The following ZNF280C variants were observed in gnomAD, a reference collection of about 807,000 sequenced individuals.
ZNF280C encodes the protein zinc finger protein 280C.
In ZNF280C, 14 loss-of-function variants were observed where a neutral mutation model predicts 53.6. That is an observed-to-expected ratio of 0.26 (90% confidence interval 0.17 to 0.41). ZNF280C has a LOEUF of 0.41. Among genes scored for constraint, ZNF280C ranks in the 10% least tolerant of loss-of-function variants. The probability of loss-of-function intolerance (pLI) is 1.00; values close to 1 mark genes in which losing one functional copy is unlikely to be tolerated. For missense variants in ZNF280C, 416 were observed against 547.1 expected, an observed-to-expected ratio of 0.76 and a Z score of 2.39; for synonymous variants, 203 against 181.1, an observed-to-expected ratio of 1.12 and a Z score of -0.97.
chrX:130,235,786 TTCTA>T (rs1176346310), intron 8 of ZNF280C, among the ~76,000 whole-genome samples: 2 of 111,683 alleles, frequency 1.8e-5, no homozygotes, highest in Non-Finnish European at 3.8e-5. Context: ...AACTTATTCC[TTCTA>T]TCTAACTGTA....
chrX:130,222,288 AC>A (rs2032174811), intron 12 of ZNF280C, among the ~76,000 whole-genome samples: 1 of 96,832 alleles, frequency 1.0e-5, no homozygotes, highest in African/African-American at 4.0e-5. Flanking sequence ...ACACACACAC[AC>A]ACACACACAC....
intron 12 of ZNF280C, among the ~76,000 whole-genome samples, chrX:130,222,222 A>G (rs1402192922): frequency 1.9e-5 from 2 of 104,471 alleles, no homozygotes; most frequent in East Asian, 6.0e-4. Flanking sequence ...CTATCTACCT[A>G]TATTTTCTTC....
chrX:130,207,190 A>G lies in ZNF280C; in HGVS notation c.2043-1775T>C, dbSNP rs182392990. 3.5e-3 allele frequency among the ~76,000 whole-genome samples: 384 copies of G among 110,741 alleles called. 3 individuals carry two copies. Among genetic ancestry groups the G allele is most frequent in the African/African-American group, 0.012 (366 of 30,406 alleles). ...AGCCTATGTGTCTCATGCAGCTACAACTCATCCTGTATACTCCTCCAAAGT... is the reference window on the plus strand; with the variant it reads ...AGCCTATGTGTCTCATGCAGCTACAGCTCATCCTGTATACTCCTCCAAAGT... On this transcript the variant is annotated intron_variant, in intron 16 of 18. Transcript: ENST00000370978.
chrX:130,264,373 T>G (rs1031740253), intron 1 of ZNF280C, among the ~76,000 whole-genome samples: 1 of 111,812 alleles, frequency 8.9e-6, no homozygotes, highest in Non-Finnish European at 1.9e-5. Context: ...CATCAATGGA[T>G]TACCCCATTT....
Position 130,236,174 on chromosome X carries a change from TA to T in ZNF280C, c.771+39del, listed in dbSNP as rs755879857. 5.2e-6 allele frequency: 5 copies of T among 968,818 alleles called. No homozygotes were observed. The African/African-American group carries it at 7.7e-5, about 15-fold the overall frequency. The allele number at this position is 968,818 out of a possible 1,213,427, so 79.8% of individuals were successfully genotyped here. A position where few individuals can be genotyped will look rare whatever the true frequency, so the allele number is the denominator to read the frequency against. On this transcript the variant is annotated intron_variant, in intron 8 of 18. Coordinates refer to ENST00000370978, the MANE Select transcript of ZNF280C (RefSeq NM_017666.5). ...AATTTTCAATATTTTCAAGGATCTA[TA>T]AAACATTTTTAACAATTGAACTTTG...
chrX:130,242,482 T>C lies in ZNF280C; in HGVS notation c.381+1081A>G, dbSNP rs767997975. On this transcript the variant is annotated intron_variant, in intron 5 of 18. Coordinates refer to ENST00000370978, the MANE Select transcript of ZNF280C (RefSeq NM_017666.5). Reference sequence around the variant, plus strand: ...TTTAAGAACACTTGTTTTAGTTTATTAACTTAAAAATGTGGCCATTATGCA... The same window carrying C: ...TTTAAGAACACTTGTTTTAGTTTATCAACTTAAAAATGTGGCCATTATGCA... Among the ~76,000 whole-genome samples, 16 of 112,407 alleles carry C rather than the reference T, an allele frequency of 1.4e-4. No individual in the cohort carries two copies. The Admixed American group carries it at 1.5e-3, about 11-fold the overall frequency.
intron 1 of ZNF280C, among the ~76,000 whole-genome samples, chrX:130,264,306 G>A (rs1355821687): frequency 2.7e-5 from 3 of 111,106 alleles, no homozygotes; most frequent in African/African-American, 9.8e-5. Flanking sequence ...TTCATTTTTG[G>A]TTTAATCTAC....
intron 1 of ZNF280C, among the ~76,000 whole-genome samples, chrX:130,261,808 T>A (rs1184781527): frequency 4.5e-5 from 5 of 110,890 alleles, no homozygotes; most frequent in Non-Finnish European, 1.9e-5. Context: ...ATAACACTTT[T>A]TTTTTTTAAT....
chrX:130,209,195 C>CAAAAGATAACAAAATAATGTAAAAA (rs2032014464), intron 16 of ZNF280C, among the ~76,000 whole-genome samples: 1 of 111,570 alleles, frequency 9.0e-6, no homozygotes, highest in Non-Finnish European at 1.9e-5. Context: ...AAGATGGAGT[C>CAAAAGATAACAAAATAATGTAAAAA]AAAAGATAAC....
In ZNF280C at chrX:130,243,650, T is replaced by C. The variant is rs2032417808; in HGVS notation, c.294A>G (p.Pro98=). ...RTASQRCRDP[P]SNPVAASPRF... ...TAGGCGAGGCAGCCACTGGATTTGA[T>C]GGTGGGTCTCTGCAGCGTTGACTTG... Residue 98 remains proline, a synonymous_variant, in exon 5 of 19, where the codon CCA becomes CCG. Coordinates refer to ENST00000370978, the MANE Select transcript of ZNF280C (RefSeq NM_017666.5). 2 of 1,209,811 alleles carry C rather than the reference T, an allele frequency of 1.7e-6. No individual in the cohort carries two copies. Among genetic ancestry groups the C allele is most frequent in the East Asian group, 3.0e-5 (1 of 33,792 alleles).
intron 13 of ZNF280C, among the ~76,000 whole-genome samples, chrX:130,217,300 C>T (rs2032114669): frequency 8.9e-6 from 1 of 111,923 alleles, no homozygotes; most frequent in Non-Finnish European, 1.9e-5. Context: ...GGTACAATAT[C>T]AATGAACCTA....
At chrX:130,249,056 C>G (rs1177432820) in intron 2 of ZNF280C, among the ~76,000 whole-genome samples, 1 of 111,709 alleles carries the variant, frequency 9.0e-6, no homozygotes, top group African/African-American at 3.3e-5. Context: ...TGAGCCACCA[C>G]TGCCACTAGA....
intron 13 of ZNF280C, among the ~76,000 whole-genome samples, chrX:130,219,427 C>G (rs1374771764): frequency 1.1e-5 from 1 of 89,820 alleles, no homozygotes; most frequent in Non-Finnish European, 2.1e-5. Flanking sequence ...GCGGAGGCTG[C>G]AGTAAGCTGA....
intron 2 of ZNF280C, among the ~76,000 whole-genome samples, chrX:130,250,373 TAA>T (rs1426035174): frequency 9.0e-6 from 1 of 111,063 alleles, no homozygotes. Flanking sequence ...AAAAAATTAA[TAA>T]AATAGGCCAC....
At chrX:130,260,389 A>G (rs1396195821) in intron 2 of ZNF280C, 30 bp downstream of exon 2, 2 of 1,174,489 alleles carry the variant, frequency 1.7e-6, no homozygotes, top group Non-Finnish European at 1.1e-6. Context: ...AACCATGCCT[A>G]TTAGTATCAA....
At chrX:130,206,511 C>T (rs1039493717) in intron 16 of ZNF280C, among the ~76,000 whole-genome samples, 1 of 109,413 alleles carries the variant, frequency 9.1e-6, no homozygotes, top group Non-Finnish European at 1.9e-5. Flanking sequence ...GGACTACAGG[C>T]GCCTGCCACC....
intron 1 of ZNF280C, among the ~76,000 whole-genome samples, chrX:130,262,838 G>A (rs893320629): frequency 8.9e-6 from 1 of 112,244 alleles, no homozygotes; most frequent in Non-Finnish European, 1.9e-5. Context: ...AAGACTGCCT[G>A]TATAAATAAT....
chrX:130,247,047 G>C (rs756040640), intron 2 of ZNF280C, 42 bp from the exon 3 acceptor site: 2 of 1,143,489 alleles, frequency 1.7e-6, no homozygotes, highest in South Asian at 3.9e-5. Context: ...TTTTCAAAGA[G>C]AAAAATATTT....
In ZNF280C at chrX:130,215,093, C is replaced by T. The variant is rs2032085247; in HGVS notation, c.1979+100G>A. The T allele has an allele frequency of 6.4e-6, 6 of 931,736 alleles. No individual in the cohort carries two copies. In the South Asian group the frequency reaches 1.1e-4, roughly 18 times the overall value. 76.8% of individuals were successfully genotyped at this position (931,736 alleles called of 1,213,427 possible). A position where few individuals can be genotyped will look rare whatever the true frequency, so the allele number is the denominator to read the frequency against. ...TCCCTATTGCTAGACCCTTTTAGTTCCTTGATGAGACAAACTTGCTTTCAA... is the reference window on the plus strand; with the variant it reads ...TCCCTATTGCTAGACCCTTTTAGTTTCTTGATGAGACAAACTTGCTTTCAA... On this transcript the variant is annotated intron_variant, in intron 15 of 18. Transcript: ENST00000370978.
Sources: allele counts gnomAD v4.1 joint callset (sites outside exome capture counted in the v4.1 genomes callset), GRCh38; gene constraint gnomAD v4.1.1; transcripts MANE v1.5; gene names NCBI Gene and HGNC (gene_info 2026-07-23, HGNC 2026-07-21).